Variants in TIMM23 observed in about 807,000 individuals in gnomAD.
TIMM23 encodes translocase of inner mitochondrial membrane 23.
Under a neutral mutation model 30.7 loss-of-function variants are expected in TIMM23, and 19 were observed. The ratio of observed to expected loss-of-function variants is 0.62; its 90% CI spans 0.43 to 0.91. TIMM23 has a LOEUF of 0.91. TIMM23 is among the 40% of genes least tolerant of loss of function. The pLI, the probability that TIMM23 is intolerant of heterozygous loss-of-function variation, is 0.00. For synonymous variants in TIMM23, 78 were observed against 98.5 expected (o/e 0.79, Z 1.23); for missense variants, 202 against 269.2 (o/e 0.75, Z 1.75).
At chr10:45,975,749 C>A (rs1554912965) in intron 2 of TIMM23, among the ~76,000 whole-genome samples, 2 of 152,032 alleles carry the variant, frequency 1.3e-5, no homozygotes, top group African/African-American at 4.8e-5. Context: ...TGAAAGCACC[C>A]CAATAAAAGT....
At chr10:46,001,416 C>T (rs1838530743) in intron 6 of TIMM23, among the ~76,000 whole-genome samples, 1 of 152,148 alleles carries the variant, frequency 6.6e-6, no homozygotes, top group South Asian at 2.1e-4. Context: ...ATAATTATGA[C>T]ACTTAGCATT....
intron 6 of TIMM23, chr10:46,002,614 G>C: frequency 2.0e-6 from 1 of 507,412 alleles, no homozygotes; most frequent in Non-Finnish European, 2.5e-6. Flanking sequence ...CATATTACTA[G>C]CAGGAAACGA....
chr10:45,983,804 C>T (rs78812509), intron 4 of TIMM23, among the ~76,000 whole-genome samples: 6 of 152,184 alleles, frequency 3.9e-5, no homozygotes, highest in Admixed American at 1.3e-4. Flanking sequence ...AGTGCAATGG[C>T]GCCATCACAG....
At chr10:45,982,066 C>T (rs1161593903) in intron 2 of TIMM23, among the ~76,000 whole-genome samples, 1 of 152,132 alleles carries the variant, frequency 6.6e-6, no homozygotes, top group Non-Finnish European at 1.5e-5. Flanking sequence ...TTTGCCCTTG[C>T]ATAATTGATC....
chr10:45,981,443 C>G (rs879990942), intron 2 of TIMM23, among the ~76,000 whole-genome samples: 7,951 of 151,702 alleles, frequency 0.052, 247 homozygotes, highest in Non-Finnish European at 0.075. Context: ...AAACTCTATA[C>G]AATTATATTA....
chr10:45,996,857 G>A (rs1838350369), intron 6 of TIMM23, among the ~76,000 whole-genome samples: 1 of 151,598 alleles, frequency 6.6e-6, no homozygotes, highest in Non-Finnish European at 1.5e-5. Context: ...CCCAATTACT[G>A]GGAAGGCTGA....
intron 6 of TIMM23, among the ~76,000 whole-genome samples, chr10:45,998,569 C>G (rs1838416481): frequency 6.6e-6 from 1 of 152,120 alleles, no homozygotes; most frequent in Non-Finnish European, 1.5e-5. Flanking sequence ...ACACATCAAC[C>G]AATTGGGAAA....
At chr10:45,979,477 T>A (rs1289110840) in intron 2 of TIMM23, among the ~76,000 whole-genome samples, 1 of 151,764 alleles carries the variant, frequency 6.6e-6, no homozygotes. Flanking sequence ...TTTTTTTTTT[T>A]ACATTCTTTG....
At position 45,996,234 on chromosome 10, in the gene TIMM23, T is replaced by C. The variant is rs1554916686; in HGVS notation, c.515-6969T>C. ...AACATTATCCGGGCATGGTGGTGGG[T>C]GCCTGTAGTCCCAGCTACTAGGGAG... On this transcript the variant is annotated intron_variant, in intron 6 of 6. Transcript: ENST00000580018. 1.5e-3 allele frequency among the ~76,000 whole-genome samples: 209 copies of C among 143,130 alleles called. 1 individual carries two copies. In the East Asian group the frequency reaches 0.015, roughly 10 times the overall value. 93.9% of individuals were successfully genotyped at this position (143,130 alleles called of 152,430 possible). A position where few individuals can be genotyped will look rare whatever the true frequency, so the allele number is the denominator to read the frequency against.
chr10:45,975,748 C>T (rs1321973461), intron 2 of TIMM23, among the ~76,000 whole-genome samples: 2 of 152,022 alleles, frequency 1.3e-5, no homozygotes, highest in Non-Finnish European at 2.9e-5. Context: ...TTGAAAGCAC[C>T]CCAATAAAAG....
Position 45,975,374 on chromosome 10 carries a change from A to G in TIMM23, c.107-80A>G, listed in dbSNP as rs1463131490. On this transcript the variant is annotated intron_variant, in intron 1 of 6. Transcript: ENST00000580018. ...GCCTATAAAAATTGCAAACACATGT[A>G]ACAGTCAGGAGCTGGATTAACTCTA... 131 of 1,524,048 alleles carry G rather than the reference A, an allele frequency of 8.6e-5. 1 individual carries two copies. Among genetic ancestry groups the G allele is most frequent in the Middle Eastern group, 1.7e-4 (1 of 5,892 alleles). 94.4% of individuals were successfully genotyped at this position (1,524,048 alleles called of 1,614,324 possible). A position where few individuals can be genotyped will look rare whatever the true frequency, so the allele number is the denominator to read the frequency against.
intron 6 of TIMM23, among the ~76,000 whole-genome samples, chr10:46,000,125 T>C (rs931987501): frequency 7.9e-5 from 12 of 152,202 alleles, no homozygotes; most frequent in Non-Finnish European, 1.3e-4. Context: ...AACGCAATTA[T>C]CACATGGTCC....
At chr10:45,976,619 T>C (rs1554913178) in intron 2 of TIMM23, among the ~76,000 whole-genome samples, 1 of 152,180 alleles carries the variant, frequency 6.6e-6, no homozygotes, top group Non-Finnish European at 1.5e-5. Flanking sequence ...TCTAAATAAA[T>C]AAATAAAACT....
intron 6 of TIMM23, among the ~76,000 whole-genome samples, chr10:45,995,295 T>G (rs1838295638): frequency 6.6e-6 from 1 of 151,960 alleles, no homozygotes; most frequent in African/African-American, 2.4e-5. Flanking sequence ...ATTCAGCCTT[T>G]TCCTCTGTCT....
In TIMM23 at chr10:46,003,600, A is replaced by G; in HGVS notation, c.*282A>G. 1 of 272,022 alleles carries G rather than the reference A, an allele frequency of 3.7e-6. No homozygotes were observed. Among genetic ancestry groups the G allele is most frequent in the Non-Finnish European group, 7.1e-6 (1 of 141,202 alleles). 16.9% of individuals were successfully genotyped at this position (272,022 alleles called of 1,614,324 possible). On this transcript the variant is annotated 3_prime_UTR_variant, in exon 7 of 7. Transcript: ENST00000580018. ...GTTTTCCTCCCCCATGAACTAGAAAACCACTTACTCCCAGAATTCAGGTCG... is the reference window on the plus strand; with the variant it reads ...GTTTTCCTCCCCCATGAACTAGAAAGCCACTTACTCCCAGAATTCAGGTCG...
chr10:45,976,678 A>T (rs1193122247), intron 2 of TIMM23, among the ~76,000 whole-genome samples: 1 of 152,088 alleles, frequency 6.6e-6, no homozygotes, highest in African/African-American at 2.4e-5. Context: ...CAGAATATCC[A>T]AAGCTAACAT....
At chr10:45,980,244 A>G (rs1297340904) in intron 2 of TIMM23, among the ~76,000 whole-genome samples, 4 of 150,844 alleles carry the variant, frequency 2.7e-5, no homozygotes, top group African/African-American at 9.8e-5. Context: ...CCATGTCGTG[A>G]CTTTGGCAAC....
intron 6 of TIMM23, among the ~76,000 whole-genome samples, chr10:45,990,119 T>A (rs1487534669): frequency 1.1e-5 from 1 of 87,598 alleles, no homozygotes; most frequent in Non-Finnish European, 2.9e-5. Context: ...ACTTTTAATT[T>A]TTTTTTTTTT....
intron 6 of TIMM23, chr10:45,992,316 T>C (rs1838189521): frequency 2.2e-6 from 1 of 450,136 alleles, no homozygotes; most frequent in Non-Finnish European, 4.4e-6. Context: ...GAGAGTTTTT[T>C]TGCCACTGAT....
Sources: gnomAD v4.1 joint callset for allele counts (sites outside exome capture counted in the v4.1 genomes callset) on GRCh38, gnomAD v4.1.1 for gene constraint, MANE v1.5 for transcripts, NCBI Gene and HGNC (gene_info 2026-07-23, HGNC 2026-07-21) for gene names.